LINGO2: variants seen among roughly 807,000 people sequenced by gnomAD.
The protein encoded by LINGO2 is leucine rich repeat and Ig domain containing 2.
In LINGO2, 14 loss-of-function variants were observed where a neutral mutation model predicts 30.6. The ratio of observed to expected loss-of-function variants is 0.46; its 90% CI spans 0.30 to 0.72. LINGO2 has a LOEUF of 0.72. LINGO2 is among the 30% of genes least tolerant of loss of function. LINGO2 has a pLI of 0.07. For missense variants in LINGO2, 729 were observed against 751.7 expected (o/e 0.97, Z 0.35); for synonymous variants, 317 against 288.5 (o/e 1.10, Z -1.00).
At chr9:28,303,125 C>T (rs1046985642) in intron 3 of LINGO2, among the ~76,000 whole-genome samples, 2 of 152,096 alleles carry the variant, frequency 1.3e-5, no homozygotes, top group Non-Finnish European at 2.9e-5. Context: ...CACTATATTC[C>T]ACTTTATCCC....
chr9:28,013,082 C>G lies in LINGO2; in HGVS notation c.-86-677G>C, dbSNP rs1199080543. ...AACGAATGCTTTACACATTTTAAAC[C>G]TGTAAAATGTTGGAATGATGTTTTA... On this transcript the variant is annotated intron_variant, in intron 4 of 5. Transcript: ENST00000379992. Among the ~76,000 whole-genome samples the G allele has an allele frequency of 5.3e-5, 8 of 152,100 alleles. No homozygotes were observed. In the South Asian group the frequency reaches 1.7e-3, roughly 31 times the overall value.
At chr9:28,783,368 C>G in the LINGO2 span, among the ~76,000 whole-genome samples, 1 of 151,860 alleles carries the variant, frequency 6.6e-6, no homozygotes, top group Non-Finnish European at 1.5e-5. Context: ...AATATAAATG[C>G]TGTGTAAATA....
At chr9:28,296,810 A>G (rs1185271803) in intron 3 of LINGO2, among the ~76,000 whole-genome samples, 1 of 152,218 alleles carries the variant, frequency 6.6e-6, no homozygotes, top group Admixed American at 6.5e-5. Context: ...ACACACGTCT[A>G]AAATTTTTGT....
chr9:28,433,367 A>G (rs1045902217), intron 2 of LINGO2, among the ~76,000 whole-genome samples: 3 of 152,144 alleles, frequency 2.0e-5, no homozygotes, highest in South Asian at 2.1e-4. Flanking sequence ...ACACAAATAT[A>G]ATTTGCAAAG....
At chr9:27,962,321 G>A (rs376185619) in intron 5 of LINGO2, among the ~76,000 whole-genome samples, 80 of 152,178 alleles carry the variant, frequency 5.3e-4, no homozygotes, top group Middle Eastern at 3.4e-3. Context: ...TTCAATAGTG[G>A]TTAAGAGAAA....
At chr9:28,345,917 G>A (rs144299616) in intron 3 of LINGO2, among the ~76,000 whole-genome samples, 8 of 152,176 alleles carry the variant, frequency 5.3e-5, no homozygotes, top group African/African-American at 9.6e-5. Flanking sequence ...TCATGACAGC[G>A]ATCCCATTGG....
chr9:29,036,302 T>C, the LINGO2 span, among the ~76,000 whole-genome samples: 66 of 152,170 alleles, frequency 4.3e-4, no homozygotes, highest in African/African-American at 1.5e-3. Flanking sequence ...AGCTTTTAAG[T>C]CAAACACTCC....
At chr9:28,840,463 A>G in the LINGO2 span, among the ~76,000 whole-genome samples, 1 of 151,826 alleles carries the variant, frequency 6.6e-6, no homozygotes, top group Non-Finnish European at 1.5e-5. Flanking sequence ...CTTAAGAACC[A>G]TTCTTCTATG....
At chr9:29,038,324 T>A in the LINGO2 span, among the ~76,000 whole-genome samples, 2 of 152,216 alleles carry the variant, frequency 1.3e-5, no homozygotes, top group Non-Finnish European at 2.9e-5. Flanking sequence ...ATTAGTTTAA[T>A]ACGCATTTCA....
chr9:28,181,531 G>T (rs1828911122), intron 4 of LINGO2, among the ~76,000 whole-genome samples: 1 of 152,114 alleles, frequency 6.6e-6, no homozygotes, highest in African/African-American at 2.4e-5. Context: ...GGTAGGGCCA[G>T]CAATGGTGTG....
intron 1 of LINGO2, among the ~76,000 whole-genome samples, chr9:28,620,763 G>A (rs2135823796): frequency 6.6e-6 from 1 of 152,128 alleles, no homozygotes; most frequent in South Asian, 2.1e-4. Flanking sequence ...TGTTATAAGT[G>A]GGAGCTAAAT....
At chr9:29,213,508 G>A in the LINGO2 span, among the ~76,000 whole-genome samples, 3 of 152,124 alleles carry the variant, frequency 2.0e-5, no homozygotes, top group African/African-American at 7.2e-5. Flanking sequence ...GGCGCCAGGT[G>A]AGGAGGCTTT....
chr9:28,593,629 C>A (rs1455750922), intron 1 of LINGO2, among the ~76,000 whole-genome samples: 1 of 152,026 alleles, frequency 6.6e-6, no homozygotes, highest in East Asian at 1.9e-4. Context: ...TCTCTGCAAG[C>A]CAAGCCCCAA....
In LINGO2 at chr9:28,587,379, T is replaced by C. The variant is rs2135685492; in HGVS notation, c.-365+82821A>G. Among the ~76,000 whole-genome samples the C allele has an allele frequency of 2.0e-5, 3 of 152,152 alleles. No individual in the cohort carries two copies. The Middle Eastern group carries it at 0.01, about 521-fold the overall frequency. ...TGAACAGTGGAGCAGACAAAGAGAT[T>C]GTTGCTGCTCCTCTTCACCTTCCTA... On this transcript the variant is annotated intron_variant, in intron 1 of 5. Transcript: ENST00000379992.
chr9:28,059,246 A>G (rs373921547), intron 4 of LINGO2, among the ~76,000 whole-genome samples: 2 of 152,132 alleles, frequency 1.3e-5, no homozygotes, highest in Admixed American at 6.5e-5. Flanking sequence ...TCATGTGCCT[A>G]CCCTTTTGAC....
the LINGO2 span, among the ~76,000 whole-genome samples, chr9:28,996,129 A>G: frequency 6.6e-6 from 1 of 152,072 alleles, no homozygotes; most frequent in Non-Finnish European, 1.5e-5. Context: ...AAAAAAAAAA[A>G]AAAAGGACTG....
At chr9:28,007,242 T>A (rs1035390040) in intron 5 of LINGO2, among the ~76,000 whole-genome samples, 1 of 152,056 alleles carries the variant, frequency 6.6e-6, no homozygotes, top group African/African-American at 2.4e-5. Context: ...ATCGTCCACG[T>A]TAGGAAGTGG....
chr9:28,511,008 T>C (rs1234209560), intron 1 of LINGO2, among the ~76,000 whole-genome samples: 1 of 152,000 alleles, frequency 6.6e-6, no homozygotes, highest in Non-Finnish European at 1.5e-5. Flanking sequence ...CCTTTATGTT[T>C]GATGGCAGCT....
the LINGO2 span, among the ~76,000 whole-genome samples, chr9:29,122,475 T>C: frequency 1.3e-5 from 2 of 152,078 alleles, no homozygotes; most frequent in Non-Finnish European, 2.9e-5. Context: ...CATTGTCATA[T>C]AAGGCAGAAG....
Sources: allele counts gnomAD v4.1 joint callset (sites outside exome capture counted in the v4.1 genomes callset), GRCh38; gene constraint gnomAD v4.1.1; transcripts MANE v1.5; gene names NCBI Gene and HGNC (gene_info 2026-07-23, HGNC 2026-07-21).